The following IKZF4 variants were observed in gnomAD, a reference collection of about 807,000 sequenced individuals.
IKZF4 encodes the protein IKAROS family zinc finger 4.
IKZF4 carries 11 observed loss-of-function variants against 47.7 expected under a neutral mutation model. That is an observed-to-expected ratio of 0.23 (90% CI 0.15 to 0.38). The LOEUF (loss-of-function observed/expected upper bound fraction) is 0.38. IKZF4 is among the 10% of genes least tolerant of loss of function. The probability of loss-of-function intolerance (pLI) is 1.00; values close to 1 mark genes in which losing one functional copy is unlikely to be tolerated. For missense variants in IKZF4, 557 were observed against 784.9 expected, an observed-to-expected ratio of 0.71 and a Z score of 3.47; for synonymous variants, 298 against 299.4, an observed-to-expected ratio of 1.00 and a Z score of 0.05.
At chr12:56,008,737 C>T (rs935226257) in intron 1 of IKZF4, among the ~76,000 whole-genome samples, 6 of 145,776 alleles carry the variant, frequency 4.1e-5, no homozygotes, top group East Asian at 4.1e-4. Flanking sequence ...TGCAATGGCG[C>T]GACCTCAGCT....
In IKZF4 at chr12:56,021,532, C is replaced by A; in HGVS notation, c.39C>A (p.Gly13=). ...CCGCACTCCCTCGCCGTTTCCAAGG[C>A]GGCGGCCGCGTTCGCACCCCAGGGT... is the stretch of plus-strand genomic sequence containing the variant. ...TPPALPRRFQ[G]GGRVRTPGSH... The change falls in exon 1 of 8, where the codon GGC becomes GGA. Residue 13 remains glycine (G), a synonymous_variant. Transcript: ENST00000547167. The A allele has an allele frequency of 6.2e-7, 1 of 1,609,260 alleles. No homozygotes were observed. The highest frequency in any genetic ancestry group is 8.5e-7 in the Non-Finnish European group (1 of 1,178,218).
intron 2 of IKZF4, among the ~76,000 whole-genome samples, chr12:56,014,303 A>C (rs1337500758): frequency 3.9e-5 from 6 of 152,234 alleles, no homozygotes; most frequent in Admixed American, 3.9e-4. Flanking sequence ...GTTTACTGTT[A>C]GAAAGAAAGT....
At chr12:56,031,080 G>A (rs192648895) in intron 5 of IKZF4, among the ~76,000 whole-genome samples, 30 of 151,684 alleles carry the variant, frequency 2.0e-4, no homozygotes, top group Admixed American at 1.1e-3. Flanking sequence ...GGTGAAACCC[G>A]TCTCTACTAA....
rs1450480939 is a variant in IKZF4 at position 56,021,316 on chromosome 12, A to ACACC, written c.-177_-176insACCC. ...CTCTCACACACACACACACACACAC[A>ACACC]CTCAACACACATACACCCTGGGCTG... On this transcript the variant is annotated 5_prime_UTR_variant, in exon 1 of 8. Coordinates refer to ENST00000547167, the MANE Select transcript of IKZF4 (RefSeq NM_022465.4). The ACACC allele has an allele frequency of 2.6e-6, 4 of 1,518,968 alleles. No individual in the cohort carries two copies. The highest frequency in any genetic ancestry group is 4.0e-5 in the Admixed American group (2 of 49,572). The allele number at this position is 1,518,968 out of a possible 1,614,324, so 94.1% of individuals were successfully genotyped here.
At chr12:56,034,470 A>G in intron 7 of IKZF4, 101 bp from the exon 8 acceptor site, 1 of 1,241,978 alleles carries the variant, frequency 8.1e-7, no homozygotes, top group Non-Finnish European at 1.1e-6. Flanking sequence ...GTAGTAAATA[A>G]TGTTACACCC....
intron 2 of IKZF4, among the ~76,000 whole-genome samples, chr12:56,014,556 C>T (rs1168680595): frequency 4.6e-5 from 7 of 152,126 alleles, no homozygotes; most frequent in African/African-American, 1.7e-4. Context: ...AGAGCCAGCT[C>T]GACTTGTTCT....
intron 1 of IKZF4, among the ~76,000 whole-genome samples, chr12:56,008,749 A>G (rs1052075150): frequency 7.1e-6 from 1 of 140,036 alleles, no homozygotes; most frequent in East Asian, 2.1e-4. Context: ...ACCTCAGCTC[A>G]CTGCAACCTC....
Position 56,025,101 on chromosome 12 carries a change from G to A in IKZF4, c.229G>A (p.Gly77Arg). 2 of 1,603,416 alleles carry A rather than the reference G, an allele frequency of 1.2e-6. No individual in the cohort carries two copies. The highest frequency in any genetic ancestry group is 1.7e-6 in the Non-Finnish European group (2 of 1,175,302). Residue 77 changes from glycine to arginine, a missense_variant, in exon 3 of 8, where the codon GGG (glycine) becomes AGG (arginine). Gly to Arg is a moderately radical substitution (Grantham distance 125). Coordinates refer to ENST00000547167, the MANE Select transcript of IKZF4 (RefSeq NM_022465.4). ...GAAGGAGTTCCTCGGGGCCCCAGTG[G>A]GGCCCTCGGTGAGCACCCCCAACAG... The part of the protein sequence containing the change: ...LEKEFLGAPV[G>R]PSVSTPNSQH...
intron 2 of IKZF4, 169 bp from the exon 3 acceptor site, chr12:56,024,885 C>T: frequency 6.7e-7 from 1 of 1,495,168 alleles, no homozygotes; most frequent in Non-Finnish European, 8.9e-7. Flanking sequence ...CACCAGGCAT[C>T]CAGACTGGCG....
chr12:56,021,522 G>C lies in IKZF4; in HGVS notation c.29G>C (p.Arg10Pro). The change falls in exon 1 of 8, where the codon CGT (arginine) becomes CCT (proline). Residue 10 changes from arginine to proline, a missense_variant. This residue lies in a region of IKZF4 where 44 missense variants were observed against 39.7 expected (regional missense o/e 1.11). Coordinates refer to ENST00000547167, the MANE Select transcript of IKZF4 (RefSeq NM_022465.4). MHTPPALPRRFQGGGRVRTP... is the reference protein window; with the variant it reads MHTPPALPRPFQGGGRVRTP... ...CATACACCACCCGCACTCCCTCGCC[G>C]TTTCCAAGGCGGCGGCCGCGTTCGC... 6.2e-7 allele frequency: 1 copy of C among 1,608,416 alleles called. No individual in the cohort carries two copies. The highest frequency in any genetic ancestry group is 8.5e-7 in the Non-Finnish European group (1 of 1,177,914).
At chr12:56,024,477 G>GA (rs1893615848) in intron 2 of IKZF4, among the ~76,000 whole-genome samples, 1 of 152,178 alleles carries the variant, frequency 6.6e-6, no homozygotes, top group Non-Finnish European at 1.5e-5. Context: ...TGCCTCATCT[G>GA]AAAAAATCAT....
Position 56,035,349 on chromosome 12 carries a change from C to T in IKZF4, c.*18C>T. 3 of 1,592,088 alleles carry T rather than the reference C, an allele frequency of 1.9e-6. No homozygotes were observed. Among genetic ancestry groups the T allele is most frequent in the South Asian group, 1.2e-5 (1 of 86,360 alleles). ...TGGGCTAGCAACCTCTCCCTCTCTC[C>T]TCAGTCCACCACTCCACTGCCCTGA... On this transcript the variant is annotated 3_prime_UTR_variant, in exon 8 of 8. Coordinates refer to ENST00000547167, the MANE Select transcript of IKZF4 (RefSeq NM_022465.4). The surrounding 1 kb of genome is among the most constrained non-coding windows in gnomAD (Gnocchi z 6.1).
intron 2 of IKZF4, among the ~76,000 whole-genome samples, chr12:56,012,794 G>A (rs1242679125): frequency 2.0e-5 from 3 of 152,132 alleles, no homozygotes; most frequent in Non-Finnish European, 4.4e-5. Flanking sequence ...GGCCATGGAG[G>A]ACTCTTGTTT....
chr12:56,028,619 G>A (rs1055171067), intron 5 of IKZF4, among the ~76,000 whole-genome samples: 4 of 148,718 alleles, frequency 2.7e-5, no homozygotes, highest in African/African-American at 9.9e-5. Flanking sequence ...GTCTCACACT[G>A]TTGCCCAGGC....
chr12:56,012,389 C>T (rs543309378), intron 2 of IKZF4, among the ~76,000 whole-genome samples: 2 of 151,864 alleles, frequency 1.3e-5, no homozygotes, highest in East Asian at 3.9e-4. Context: ...ATTCTCCTGC[C>T]TCAGCCTCCT....
chr12:56,013,392 C>T (rs1461293660), intron 2 of IKZF4, among the ~76,000 whole-genome samples: 1 of 151,998 alleles, frequency 6.6e-6, no homozygotes, highest in Non-Finnish European at 1.5e-5. Flanking sequence ...GATGGGGTTT[C>T]GCCACGTTGG....
In IKZF4 at chr12:56,008,761, A is replaced by G. The variant is rs1256391801; in HGVS notation, c.-292+1027A>G. ...GCGACCTCAGCTCACTGCAACCTCC[A>G]TCTCCCAGGTTCAAGAGATTCTCCT... On this transcript the variant is annotated intron_variant, in intron 1 of 11. Coordinates refer to the IKZF4 transcript ENST00000262032. Among the ~76,000 whole-genome samples, 5 of 139,994 alleles carry G rather than the reference A, an allele frequency of 3.6e-5. No individual in the cohort carries two copies. In the East Asian group the frequency reaches 6.3e-4, roughly 18 times the overall value. The allele number at this position is 139,994 out of a possible 152,430, so 91.8% of individuals were successfully genotyped here.
intron 2 of IKZF4, chr12:56,024,060 T>C: frequency 2.1e-6 from 1 of 482,208 alleles, no homozygotes; most frequent in Non-Finnish European, 2.7e-6. Flanking sequence ...GTGTAGAAGA[T>C]TGTGGGGAGG....
upstream of IKZF4, chr12:56,018,159 G>T (rs1377835996): frequency 1.6e-6 from 2 of 1,289,324 alleles, no homozygotes; most frequent in Non-Finnish European, 2.0e-6. Flanking sequence ...AGACTGCAAT[G>T]GCCGCTCCTA....
Sources: gnomAD v4.1 joint callset for allele counts (sites outside exome capture counted in the v4.1 genomes callset) on GRCh38, gnomAD v4.1.1 for gene constraint, gnomAD v4.1.1 regional missense constraint, Gnocchi (gnomAD v3.1) non-coding constraint, MANE v1.5 for transcripts, NCBI Gene and HGNC (gene_info 2026-07-23, HGNC 2026-07-21) for gene names.